CC2D1B: variants seen among roughly 807,000 people sequenced by gnomAD.
The protein encoded by CC2D1B is coiled-coil and C2 domain-containing protein 1B.
In CC2D1B, 92 loss-of-function variants were observed where a neutral mutation model predicts 110.8. The observed-to-expected ratio is 0.83, with a 90% CI of 0.70 to 0.99. The LOEUF is 0.99. Ranked by LOEUF, CC2D1B falls within the 50% of genes least tolerant of loss-of-function variation. The pLI is 0.00. For missense variants in CC2D1B, 1,136 were observed against 1,089.0 expected, an observed-to-expected ratio of 1.04 and a Z score of -0.61; for synonymous variants, 406 against 429.2, an observed-to-expected ratio of 0.95 and a Z score of 0.67.
chr1:52,354,781 T>G, intron 22 of CC2D1B, 59 bp downstream of exon 22: 3 of 1,598,344 alleles, frequency 1.9e-6, no homozygotes, highest in Non-Finnish European at 2.6e-6. Context: ...GGGGCAGCAG[T>G]GACAAACGCT....
chr1:52,363,840 C>T (rs1646833794), intron 2 of CC2D1B, among the ~76,000 whole-genome samples: 1 of 152,116 alleles, frequency 6.6e-6, no homozygotes, highest in Non-Finnish European at 1.5e-5. Context: ...GCCACCACGC[C>T]CAGCTAATTT....
Position 52,354,646 on chromosome 1 carries a change from G to T in CC2D1B, c.2392C>A (p.Arg798=). The T allele has an allele frequency of 6.2e-7, 1 of 1,614,120 alleles. No homozygotes were observed. The highest frequency in any genetic ancestry group is 8.5e-7 in the Non-Finnish European group (1 of 1,180,034). The change falls in exon 23 of 25, where the codon CGG becomes AGG. Residue 798 remains arginine (R), a synonymous_variant. Coordinates refer to ENST00000284376, the MANE Select transcript of CC2D1B (RefSeq NM_001330585.2). ...CTGATCTCACACTCATTCTCCAGCC[G>T]CTCCAGTTTCAGGTGTGCTGTGCCA... The part of the protein sequence containing the change: ...LVGTAHLKLE[R]LENECEIREI...
At chr1:52,364,507 C>T in intron 2 of CC2D1B, 45 bp downstream of exon 2, 1 of 1,399,922 alleles carries the variant, frequency 7.1e-7, no homozygotes, top group Non-Finnish European at 9.9e-7. Context: ...CTAGGGACCC[C>T]CATCCCCAAA....
rs1646546611 is a variant in CC2D1B, at chr1:52,352,495, T to TGAG, written c.*727_*729dup. 6.6e-6 allele frequency: 1 copy of TGAG among 152,622 alleles called. No homozygotes were observed. The highest frequency in any genetic ancestry group is 2.4e-5 in the African/African-American group (1 of 41,434). The allele number at this position is 152,622 out of a possible 1,614,324, so 9.5% of individuals were successfully genotyped here. ...ATAGTTGAGTATAAAATCCCTACAA[T>TGAG]GAGTTAGACTTAGTTTCCTAGATAA... is the stretch of plus-strand genomic sequence containing the variant. On this transcript the variant is annotated 3_prime_UTR_variant, in exon 25 of 25. Coordinates refer to ENST00000284376, the MANE Select transcript of CC2D1B (RefSeq NM_001330585.2).
chr1:52,358,209 T>C, intron 13 of CC2D1B, 122 bp downstream of exon 13: 1 of 1,394,512 alleles, frequency 7.2e-7, no homozygotes, highest in African/African-American at 1.4e-5. Context: ...AAGTTTTTTC[T>C]CTGTACAGTG....
chr1:52,359,687 C>T lies in CC2D1B; in HGVS notation c.942+18G>A. On this transcript the variant is annotated intron_variant, in intron 8 of 24. Coordinates refer to ENST00000284376, the MANE Select transcript of CC2D1B (RefSeq NM_001330585.2). Reference sequence around the variant, plus strand: ...TATCTATAAAATGAGGGTGGGTGCCCTGAGCCAGATGCCATACCTTCCCAA... The same window carrying T: ...TATCTATAAAATGAGGGTGGGTGCCTTGAGCCAGATGCCATACCTTCCCAA... The T allele has an allele frequency of 6.3e-7, 1 of 1,578,012 alleles. No homozygotes were observed. The highest frequency in any genetic ancestry group is 8.6e-7 in the Non-Finnish European group (1 of 1,161,160).
chr1:52,362,768 T>C (rs772269936), intron 2 of CC2D1B, 22 bp from the exon 3 acceptor site: 7 of 1,613,100 alleles, frequency 4.3e-6, no homozygotes, highest in Admixed American at 1.7e-5. Context: ...GCAGGACTCT[T>C]AGGAACCACA....
chr1:52,357,428 T>C, intron 15 of CC2D1B, 98 bp downstream of exon 15: 1 of 1,305,246 alleles, frequency 7.7e-7, no homozygotes, highest in Admixed American at 2.1e-5. Context: ...GTCCAAACCC[T>C]GCCTCATCCC....
chr1:52,362,003 C>T (rs946730462), intron 3 of CC2D1B, among the ~76,000 whole-genome samples: 1 of 152,206 alleles, frequency 6.6e-6, no homozygotes, highest in African/African-American at 2.4e-5. Flanking sequence ...GAGAAACTTC[C>T]AACATTAATT....
chr1:52,358,954 A>G, intron 11 of CC2D1B, 73 bp downstream of exon 11: 2 of 1,575,926 alleles, frequency 1.3e-6, no homozygotes, highest in Non-Finnish European at 1.7e-6. Context: ...GACTAGCCGG[A>G]GGACCAGGGA....
rs780837831 is a variant in CC2D1B at position 52,354,867 on chromosome 1, C to T, written c.2312G>A (p.Gly771Asp). 4.3e-6 allele frequency: 7 copies of T among 1,614,060 alleles called. No homozygotes were observed. In the African/African-American group the frequency reaches 9.3e-5, roughly 22 times the overall value. The change falls in exon 22 of 25, where the codon GGC becomes GAC. Residue 771 changes from glycine (G) to aspartate (D), a missense_variant. Transcript: ENST00000284376. ...TTTGTGGAAGATCTCAAACTTGATG[C>T]CTTTGCTCTGGATCACCCTCTTGAA... ...RGFKRVIQSK[G>D]IKFEIFHKGS...
intron 1 of CC2D1B, among the ~76,000 whole-genome samples, chr1:52,365,016 A>G (rs1322990326): frequency 3.9e-5 from 6 of 152,252 alleles, no homozygotes; most frequent in Admixed American, 1.3e-4. Flanking sequence ...AATCCAGTCC[A>G]TCAGCCACAA....
chr1:52,354,570 T>C (rs748557856), intron 23 of CC2D1B, 38 bp downstream of exon 23: 1 of 1,561,236 alleles, frequency 6.4e-7, no homozygotes, highest in Non-Finnish European at 8.8e-7. Flanking sequence ...GCTCTTGTCG[T>C]ACCAACCCCT....
Position 52,359,044 on chromosome 1 carries a change from G to T in CC2D1B, c.1240C>A (p.His414Asn). The part of the protein sequence containing the change: ...SGGDERKARM[H>N]ERIAKQYQDA... ...GGGCCCACCTTGGCAATGCGCTCAT[G>T]CATCCGAGCCTTGCGCTCGTCCCCA... The change falls in exon 11 of 25, where the codon CAT (histidine) becomes AAT (asparagine). Residue 414 changes from histidine to asparagine, a missense_variant. By Grantham distance (68) the His-to-Asn change is moderately conservative. Coordinates refer to ENST00000284376, the MANE Select transcript of CC2D1B (RefSeq NM_001330585.2). 6.2e-7 allele frequency: 1 copy of T among 1,607,072 alleles called. No homozygotes were observed.
rs938532844 is a variant in CC2D1B at position 52,356,988 on chromosome 1, G to C, written c.1878+13C>G. On this transcript the variant is annotated intron_variant, in intron 16 of 24. Transcript: ENST00000284376. ...GGGCACAGAGGGGAGGAACAGACGAGGGGCCTGCTGACCTCTTGTTGCTCC... is the reference window on the plus strand; with the variant it reads ...GGGCACAGAGGGGAGGAACAGACGACGGGCCTGCTGACCTCTTGTTGCTCC... 4.4e-5 allele frequency: 68 copies of C among 1,550,044 alleles called. No individual in the cohort carries two copies. The highest frequency in any genetic ancestry group is 5.7e-5 in the Non-Finnish European group (65 of 1,146,634).
rs755178095 is a variant in CC2D1B at position 52,361,007 on chromosome 1, TG to T, written c.443del (p.Thr148LysfsTer4). The T allele has an allele frequency of 6.2e-7, 1 of 1,614,054 alleles. No individual in the cohort carries two copies. The highest frequency in any genetic ancestry group is 8.5e-7 in the Non-Finnish European group (1 of 1,180,024). On this transcript the variant is annotated frameshift_variant, in exon 5 of 25. Transcript: ENST00000284376. LOFTEE classifies it high-confidence loss of function. ...GLEDTEPPVQTAVLTASAPAA... is the reference protein window; with the variant it reads ...GLEDTEPPVQXAVLTASAPAA... ...CTGGGGCTGAAGCTGTCAGGACGGC[TG>T]TCTGCACTGGAGGTTCAGTGTCTTC...
chr1:52,361,626 A>G lies in CC2D1B; in HGVS notation c.215-10T>C. ...GCCATGGGCAGGGGGGCTGGGGGAA[A>G]AAGGTCACAACAAGTCAGCACAACT... On this transcript the variant is annotated splice_polypyrimidine_tract_variant and intron_variant, in intron 3 of 24. Coordinates refer to ENST00000284376, the MANE Select transcript of CC2D1B (RefSeq NM_001330585.2). The G allele has an allele frequency of 6.2e-7, 1 of 1,613,596 alleles. No individual in the cohort carries two copies. Among genetic ancestry groups the G allele is most frequent in the African/African-American group, 1.3e-5 (1 of 75,032 alleles).
At chr1:52,364,379 T>C (rs1646842515) in intron 2 of CC2D1B, among the ~76,000 whole-genome samples, 173 bp downstream of exon 2, 1 of 152,182 alleles carries the variant, frequency 6.6e-6, no homozygotes, top group Admixed American at 6.5e-5. Context: ...CTCTCCCCAC[T>C]TGTATGTGGA....
At position 52,359,303 on chromosome 1, in the gene CC2D1B, G is replaced by C. The variant is rs139316013; in HGVS notation, c.1073C>G (p.Pro358Arg). 22 of 1,613,264 alleles carry C rather than the reference G, an allele frequency of 1.4e-5. No homozygotes were observed. Among genetic ancestry groups the C allele is most frequent in the Admixed American group, 3.3e-5 (2 of 59,906 alleles). Residue 358 changes from proline to arginine, a missense_variant, in exon 10 of 25, where the codon CCA becomes CGA. Transcript: ENST00000284376. ...QAPTAPSVIPPAVERVQPVMA... is the reference protein window; with the variant it reads ...QAPTAPSVIPRAVERVQPVMA... ...CACTGGCTGCACTCGCTCCACGGCT[G>C]GGGGAATGACTGAGGGTGCTGTGGG...
Sources: gnomAD v4.1 joint callset for allele counts (sites outside exome capture counted in the v4.1 genomes callset) on GRCh38, gnomAD v4.1.1 for gene constraint, MANE v1.5 for transcripts, NCBI Gene and HGNC (gene_info 2026-07-23, HGNC 2026-07-21) for gene names.